IGFN1: variants seen among roughly 807,000 people sequenced by gnomAD.
IGFN1 encodes immunoglobulin like and fibronectin type III domain containing 1.
In IGFN1, 253 loss-of-function variants were observed where a neutral mutation model predicts 289.5. The observed-to-expected ratio is 0.87, with a 90% CI of 0.79 to 0.97. IGFN1 has a LOEUF of 0.97. Ranked by LOEUF, IGFN1 falls within the 50% of genes least tolerant of loss-of-function variation. The probability of loss-of-function intolerance (pLI) is 0.00; values close to 1 mark genes in which losing one functional copy is unlikely to be tolerated. For synonymous variants in IGFN1, 1,706 were observed against 1,788.5 expected, an observed-to-expected ratio of 0.95 and a Z score of 1.16; for missense variants, 4,470 against 4,686.1, an observed-to-expected ratio of 0.95 and a Z score of 1.35.
At chr1:201,216,043 G>C (rs1024320729) in intron 15 of IGFN1, 13 of 722,330 alleles carry the variant, frequency 1.8e-5, no homozygotes, top group African/African-American at 8.7e-5. Context: ...GGCTCCTGCT[G>C]GGGGGGAGGA....
rs1357501770 is a variant in IGFN1 at position 201,208,360 on chromosome 1, T to G, written c.3467T>G (p.Leu1156Arg). ...GGPGAMGPGS[L>R]RAGSKVGEGD... ...CCAGGAGCCATGGGACCAGGGTCTC[T>G]GAGGGCAGGAAGCAAAGTGGGTGAG... The change falls in exon 12 of 24, where the codon CTG (leucine) becomes CGG (arginine). Residue 1156 changes from leucine to arginine, a missense_variant. Leu to Arg is a moderately radical substitution (Grantham distance 102, BLOSUM62 -2). This residue lies in a region of IGFN1 where 2,011 missense variants were observed against 1,953.4 expected (regional missense o/e 1.03). Transcript: ENST00000335211. 4.8e-6 allele frequency: 7 copies of G among 1,465,618 alleles called. No homozygotes were observed. Among genetic ancestry groups the G allele is most frequent in the Non-Finnish European group, 6.3e-6 (7 of 1,118,852 alleles). 90.8% of individuals were successfully genotyped at this position (1,465,618 alleles called of 1,614,324 possible).
chr1:201,215,569 A>G lies in IGFN1; in HGVS notation c.9026A>G (p.Glu3009Gly). 1 of 1,600,566 alleles carries G rather than the reference A, an allele frequency of 6.2e-7. No homozygotes were observed. The highest frequency in any genetic ancestry group is 1.3e-5 in the African/African-American group (1 of 74,664). The change falls in exon 15 of 24, where the codon GAG becomes GGG. Residue 3009 changes from glutamate (E) to glycine (G), a missense_variant. Transcript: ENST00000335211. ...DSPTIAPDVT[E>G]KLREPLVVKA... ...CCTACCATTGCTCCAGATGTGACAG[A>G]GAAACTGAGAGAGCCACTGGTGGTC...
intron 1 of IGFN1, among the ~76,000 whole-genome samples, chr1:201,192,635 T>C (rs1044911038): frequency 6.6e-6 from 1 of 152,088 alleles, no homozygotes; most frequent in African/African-American, 2.4e-5. Flanking sequence ...AGCAGCAAAT[T>C]TGAGGCCTCT....
chr1:201,197,041 C>T (rs1433985880), intron 4 of IGFN1, among the ~76,000 whole-genome samples, 177 bp from the exon 5 acceptor site: 1 of 152,166 alleles, frequency 6.6e-6, no homozygotes, highest in Non-Finnish European at 1.5e-5. Context: ...ATACATCCAC[C>T]CTCTGTCCCA....
chr1:201,207,990 T>C lies in IGFN1; in HGVS notation c.3097T>C (p.Ser1033Pro), dbSNP rs1667513475. The C allele has an allele frequency of 6.5e-7, 1 of 1,535,384 alleles. No homozygotes were observed. Among genetic ancestry groups the C allele is most frequent in the Admixed American group, 2.0e-5 (1 of 50,834 alleles). ...NEDSGPAGGG[S>P]GRVASLKNGS... Reference sequence around the variant, plus strand: ...AGATTCTGGCCCTGCAGGAGGAGGGTCTGGGAGAGTTGCCAGTCTTAAAAA... The same window carrying C: ...AGATTCTGGCCCTGCAGGAGGAGGGCCTGGGAGAGTTGCCAGTCTTAAAAA... Residue 1033 changes from serine to proline, a missense_variant, in exon 12 of 24, where the codon TCT becomes CCT. Around this residue, in one of 8 missense-constraint regions of IGFN1, gnomAD observed 2,011 missense variants for 1,953.4 expected, o/e 1.03. Coordinates refer to ENST00000335211, the MANE Select transcript of IGFN1 (RefSeq NM_001164586.2).
chr1:201,213,484 A>G lies in IGFN1; in HGVS notation c.8591A>G (p.Glu2864Gly), dbSNP rs928775883. 3 of 1,613,880 alleles carry G rather than the reference A, an allele frequency of 1.9e-6. No homozygotes were observed. Among genetic ancestry groups the G allele is most frequent in the Non-Finnish European group, 8.5e-7 (1 of 1,179,956 alleles). ...ATGCTGAATGAAGATCAGAGCCGGG[A>G]GCCCCCTGGTCACCTTGGTAGCAGG... The part of the protein sequence containing the change: ...EEMLNEDQSR[E>G]PPGHLGSRRS... The change falls in exon 12 of 24, where the codon GAG becomes GGG. Residue 2864 changes from glutamate (E) to glycine (G), a missense_variant. Physicochemically the swap from Glu to Gly is moderately conservative, Grantham distance 98. Transcript: ENST00000335211.
intron 2 of IGFN1, 147 bp from the exon 3 acceptor site, chr1:201,194,007 G>A (rs1010792322): frequency 7.4e-6 from 6 of 807,560 alleles, no homozygotes; most frequent in Admixed American, 5.5e-5. Context: ...ACAGGCAGGA[G>A]GTACTACAAA....
chr1:201,208,635 G>A lies in IGFN1; in HGVS notation c.3742G>A (p.Gly1248Ser), dbSNP rs1288452869. Residue 1248 changes from glycine (G) to serine (S), a missense_variant, in exon 12 of 24, where the codon GGT (glycine) becomes AGT (serine). Physicochemically the swap from Gly to Ser is moderately conservative, Grantham distance 56. Coordinates refer to ENST00000335211, the MANE Select transcript of IGFN1 (RefSeq NM_001164586.2). ...GLGPRSTGPG[G>S]EAGFRDGSGG... ...TGGGCCTAGGAGTACAGGGCCAGGG[G>A]GTGAGGCAGGCTTTAGAGATGGTTC... The A allele has an allele frequency of 2.0e-6, 3 of 1,532,104 alleles. No individual in the cohort carries two copies. In the South Asian group the frequency reaches 3.6e-5, roughly 18 times the overall value. 94.9% of individuals were successfully genotyped at this position (1,532,104 alleles called of 1,614,324 possible). A position where few individuals can be genotyped will look rare whatever the true frequency, so the allele number is the denominator to read the frequency against.
At chr1:201,224,454 T>C (rs1653948078) in intron 20 of IGFN1, among the ~76,000 whole-genome samples, 1 of 152,104 alleles carries the variant, frequency 6.6e-6, no homozygotes, top group African/African-American at 2.4e-5. Context: ...CCAACTTCCT[T>C]TCTTGTTCTA....
chr1:201,216,035 C>T (rs1653236708), intron 15 of IGFN1, 197 bp downstream of exon 15: 1 of 733,136 alleles, frequency 1.4e-6, no homozygotes, highest in African/African-American at 1.7e-5. Context: ...CAGTGCTGGG[C>T]TCCTGCTGGG....
intron 5 of IGFN1, 28 bp downstream of exon 5, chr1:201,197,345 C>A (rs1666963578): frequency 2.1e-6 from 3 of 1,417,616 alleles, no homozygotes; most frequent in Non-Finnish European, 2.9e-6. Flanking sequence ...TTTGTCTCAT[C>A]AGTGCACAGG....
chr1:201,211,670 A>G lies in IGFN1; in HGVS notation c.6777A>G (p.Glu2259=). The change falls in exon 12 of 24, where the codon GAA becomes GAG. Residue 2259 remains glutamate (E), a synonymous_variant. Coordinates refer to ENST00000335211, the MANE Select transcript of IGFN1 (RefSeq NM_001164586.2). ...GGAAGGATTTGGGAGCTCCTGAGGAAATGGGTTCAGGCAGTTACACAGATT... is the reference window on the plus strand; with the variant it reads ...GGAAGGATTTGGGAGCTCCTGAGGAGATGGGTTCAGGCAGTTACACAGATT... ...DYRKDLGAPE[E]MGSGSYTDYR... 6.5e-7 allele frequency: 1 copy of G among 1,536,956 alleles called. No homozygotes were observed. Among genetic ancestry groups the G allele is most frequent in the Non-Finnish European group, 8.7e-7 (1 of 1,146,802 alleles).
intron 1 of IGFN1, among the ~76,000 whole-genome samples, chr1:201,192,696 A>C (rs1190662267): frequency 6.6e-6 from 1 of 152,148 alleles, no homozygotes; most frequent in Admixed American, 6.5e-5. Flanking sequence ...GAGCGTGGGA[A>C]GTAGAGGGCT....
chr1:201,205,481 T>C (rs1219822308), intron 11 of IGFN1, 127 bp downstream of exon 11: 3 of 1,097,506 alleles, frequency 2.7e-6, no homozygotes, highest in Middle Eastern at 3.0e-4. Context: ...CTTAGATTAT[T>C]CTCCACCCAC....
Position 201,216,709 on chromosome 1 carries a change from C to T in IGFN1, c.9551C>T (p.Ala3184Val), listed in dbSNP as rs756994409. Reference sequence around the variant, plus strand: ...GTGCGGGCTGTGACCTCAGAGGGGGCTGGCGAGGCCCTGGAGTCTGAGGAG... The same window carrying T: ...GTGCGGGCTGTGACCTCAGAGGGGGTTGGCGAGGCCCTGGAGTCTGAGGAG... ...FRVRAVTSEG[A>V]GEALESEEIL... Residue 3184 changes from alanine to valine, a missense_variant, in exon 16 of 24, where the codon GCT becomes GTT. Coordinates refer to ENST00000335211, the MANE Select transcript of IGFN1 (RefSeq NM_001164586.2). 3.7e-6 allele frequency: 6 copies of T among 1,613,378 alleles called. No individual in the cohort carries two copies. The highest frequency in any genetic ancestry group is 5.1e-6 in the Non-Finnish European group (6 of 1,179,672).
Position 201,214,202 on chromosome 1 carries a change from C to A in IGFN1, c.8754C>A (p.Gly2918=), listed in dbSNP as rs571622264. 6.2e-7 allele frequency: 1 copy of A among 1,613,276 alleles called. No individual in the cohort carries two copies. Among genetic ancestry groups the A allele is most frequent in the Non-Finnish European group, 8.5e-7 (1 of 1,179,682 alleles). The change falls in exon 13 of 24, where the codon GGC becomes GGA. Residue 2918 remains glycine, a synonymous_variant. Transcript: ENST00000335211. ...GCCCCATGGGCCACTTCTCCCAGGG[C>A]CTGGCTGACATGGAAGTGCAGCCGG... ...AQGPMGHFSQ[G]LADMEVQPGE...
intron 8 of IGFN1, among the ~76,000 whole-genome samples, chr1:201,201,155 C>A (rs1444399220): frequency 6.6e-6 from 1 of 152,174 alleles, no homozygotes; most frequent in East Asian, 1.9e-4. Context: ...TAAAGGCTTT[C>A]ATGGAAGGGA....
chr1:201,224,739 G>T lies in IGFN1; in HGVS notation c.10351G>T (p.Val3451Leu), dbSNP rs369654657. Residue 3451 changes from valine to leucine, a missense_variant, in exon 21 of 24, where the codon GTG (valine) becomes TTG (leucine). Physicochemically the swap from Val to Leu is conservative, Grantham distance 32. Coordinates refer to ENST00000335211, the MANE Select transcript of IGFN1 (RefSeq NM_001164586.2). ...KDGLPLPKRS[V>L]TVTKDGLTQL... ...TGGCTTGCCCTTGCCCAAAAGAAGT[G>T]TGACTGTCACTAAGGATGGCCTCAC... 1.2e-6 allele frequency: 2 copies of T among 1,614,114 alleles called. No individual in the cohort carries two copies. Among genetic ancestry groups the T allele is most frequent in the Admixed American group, 3.3e-5 (2 of 60,016 alleles).
rs757449924 is a variant in IGFN1, at chr1:201,222,732, G to A, written c.10202-7G>A. On this transcript the variant is annotated splice_region_variant and splice_polypyrimidine_tract_variant and intron_variant, in intron 19 of 23. Transcript: ENST00000335211. Reference sequence around the variant, plus strand: ...AGGGAGGTAACCAGTCCTCTTGTGCGTTTCAGTCTGTCCCAAGTTCCTCGT... The same window carrying A: ...AGGGAGGTAACCAGTCCTCTTGTGCATTTCAGTCTGTCCCAAGTTCCTCGT... 72 of 1,608,552 alleles carry A rather than the reference G, an allele frequency of 4.5e-5. No individual in the cohort carries two copies. Among genetic ancestry groups the A allele is most frequent in the Non-Finnish European group, 5.1e-5 (60 of 1,175,994 alleles).
Sources: gnomAD v4.1 joint callset for allele counts (sites outside exome capture counted in the v4.1 genomes callset) on GRCh38, gnomAD v4.1.1 for gene constraint, gnomAD v4.1.1 regional missense constraint, MANE v1.5 for transcripts, NCBI Gene and HGNC (gene_info 2026-07-23, HGNC 2026-07-21) for gene names.